The following LARGE1 variants were observed in gnomAD, a reference collection of about 807,000 sequenced individuals.
The protein encoded by LARGE1 is xylosyl- and glucuronyltransferase LARGE1.
A neutral mutation model predicts 87.6 loss-of-function variants in LARGE1; 43 were observed. The ratio of observed to expected loss-of-function variants is 0.49; its 90% confidence interval spans 0.38 to 0.63. The LOEUF is 0.63. LARGE1 is among the 30% of genes least tolerant of loss of function. The pLI is 0.00. For missense variants in LARGE1, 802 were observed against 1,000.2 expected (o/e 0.80, Z 2.67); for synonymous variants, 434 against 394.6 (o/e 1.10, Z -1.18).
chr22:33,208,548 C>A (rs1924798864), intron 11 of LARGE1, among the ~76,000 whole-genome samples: 1 of 151,110 alleles, frequency 6.6e-6, no homozygotes, highest in Non-Finnish European at 1.5e-5. Flanking sequence ...CAAATGGACT[C>A]TTTACTAACC....
the LARGE1 span, among the ~76,000 whole-genome samples, chr22:33,083,110 G>A: frequency 6.6e-6 from 1 of 152,108 alleles, no homozygotes; most frequent in Non-Finnish European, 1.5e-5. Flanking sequence ...AAACACTGTT[G>A]GTTTTATTGC....
chr22:33,823,545 C>A (rs1444230620), intron 1 of LARGE1, among the ~76,000 whole-genome samples: 1 of 152,222 alleles, frequency 6.6e-6, no homozygotes, highest in South Asian at 2.1e-4. Flanking sequence ...TCCAGCCACA[C>A]TTCCAGAACA....
At chr22:33,546,202 G>A (rs1359977883) in intron 6 of LARGE1, among the ~76,000 whole-genome samples, 2 of 152,062 alleles carry the variant, frequency 1.3e-5, no homozygotes, top group Non-Finnish European at 2.9e-5. Context: ...CCTACTTTTC[G>A]ATCTGCCATC....
chr22:33,859,388 G>A (rs1000610623), intron 1 of LARGE1, among the ~76,000 whole-genome samples: 2 of 152,158 alleles, frequency 1.3e-5, no homozygotes, highest in Non-Finnish European at 2.9e-5. Flanking sequence ...GCACCCAACA[G>A]ATACAAACAA....
At chr22:33,545,205 T>C (rs960601539) in intron 6 of LARGE1, among the ~76,000 whole-genome samples, 2 of 152,212 alleles carry the variant, frequency 1.3e-5, no homozygotes, top group East Asian at 1.9e-4. Flanking sequence ...AAGTAGGTCA[T>C]GTACAAATCT....
At chr22:33,497,339 G>A (rs1235211333) in intron 6 of LARGE1, among the ~76,000 whole-genome samples, 1 of 152,082 alleles carries the variant, frequency 6.6e-6, no homozygotes, top group Non-Finnish European at 1.5e-5. Flanking sequence ...GCCTCCCAAA[G>A]TGCTGGGATT....
chr22:33,305,556 G>A, intron 11 of LARGE1: 1 of 983,262 alleles, frequency 1.0e-6, no homozygotes, highest in Non-Finnish European at 1.2e-6. Context: ...GTAATCAGCA[G>A]TCTCCTGGTC....
At chr22:33,821,140 T>G (rs554590742) in intron 1 of LARGE1, among the ~76,000 whole-genome samples, 12 of 152,288 alleles carry the variant, frequency 7.9e-5, no homozygotes, top group African/African-American at 2.9e-4. Context: ...AATCTCTAAT[T>G]GCTTCATGGC....
At chr22:33,667,564 T>C (rs1246752722) in intron 2 of LARGE1, among the ~76,000 whole-genome samples, 1 of 152,156 alleles carries the variant, frequency 6.6e-6, no homozygotes, top group African/African-American at 2.4e-5. Context: ...CAAGAAAAGG[T>C]GCCTAAAAGT....
chr22:33,761,477 C>A lies in LARGE1; in HGVS notation c.-1G>T. 6.2e-7 allele frequency: 1 copy of A among 1,613,126 alleles called. No homozygotes were observed. The highest frequency in any genetic ancestry group is 8.5e-7 in the Non-Finnish European group (1 of 1,179,226). On this transcript the variant is annotated 5_prime_UTR_variant, in exon 2 of 15. Transcript: ENST00000397394. ...GTCTCCCCCTGCAGATTCCCAGCAT[C>A]CTCTCAGAAGTGGCAATCCCTAATC... is the stretch of plus-strand genomic sequence containing the variant.
intron 9 of LARGE1, among the ~76,000 whole-genome samples, chr22:33,372,914 A>G (rs536735022): frequency 9.8e-5 from 15 of 152,334 alleles, no homozygotes; most frequent in African/African-American, 3.6e-4. Context: ...TAATATGAAG[A>G]AAGTTATGGA....
chr22:33,580,874 G>C (rs1313395352), intron 5 of LARGE1, among the ~76,000 whole-genome samples: 1 of 152,150 alleles, frequency 6.6e-6, no homozygotes, highest in Non-Finnish European at 1.5e-5. Context: ...TGGCTGAGTG[G>C]TTAAATCCAA....
intron 9 of LARGE1, among the ~76,000 whole-genome samples, chr22:33,338,862 G>A (rs1318484812): frequency 6.6e-6 from 1 of 152,124 alleles, no homozygotes; most frequent in Non-Finnish European, 1.5e-5. Flanking sequence ...AAGAATAAAT[G>A]AGAGGCCGGG....
chr22:33,503,366 C>T (rs565325108), intron 6 of LARGE1, among the ~76,000 whole-genome samples: 1 of 148,648 alleles, frequency 6.7e-6, no homozygotes, highest in Non-Finnish European at 1.5e-5. Flanking sequence ...AAGCAATTTT[C>T]CTGCCTCAGC....
chr22:33,618,010 C>T (rs2079630787), intron 4 of LARGE1, among the ~76,000 whole-genome samples: 3 of 152,224 alleles, frequency 2.0e-5, no homozygotes, highest in African/African-American at 7.2e-5. Flanking sequence ...TATACAAGGA[C>T]ATTTGAGCTG....
At chr22:33,696,095 C>G (rs1354463509) in intron 2 of LARGE1, among the ~76,000 whole-genome samples, 1 of 152,092 alleles carries the variant, frequency 6.6e-6, no homozygotes, top group African/African-American at 2.4e-5. Context: ...AGTGGCATAC[C>G]ATGATATTAA....
chr22:33,598,047 T>C (rs1285806761), intron 5 of LARGE1, among the ~76,000 whole-genome samples: 1 of 152,074 alleles, frequency 6.6e-6, no homozygotes, highest in Non-Finnish European at 1.5e-5. Flanking sequence ...AATATACTGG[T>C]TCTTCAGGAA....
chr22:33,493,774 T>C (rs1316947003), intron 6 of LARGE1, among the ~76,000 whole-genome samples: 1 of 152,166 alleles, frequency 6.6e-6, no homozygotes, highest in East Asian at 1.9e-4. Flanking sequence ...CAAGATCCTT[T>C]ATTTTAAACA....
Position 33,785,246 on chromosome 22 carries a change from T to TATATAC in LARGE1, c.-82-23689_-82-23688insGTATAT, listed in dbSNP as rs1176986061. ...ATATATGTGTATACATACATATGTG[T>TATATAC]ATATATGCATGTGTATATGTGCATA... On this transcript the variant is annotated intron_variant, in intron 1 of 14. Coordinates refer to ENST00000397394, the MANE Select transcript of LARGE1 (RefSeq NM_133642.5). 6.6e-5 allele frequency among the ~76,000 whole-genome samples: 10 copies of TATATAC among 151,982 alleles called. No homozygotes were observed. In the East Asian group the frequency reaches 1.5e-3, roughly 24 times the overall value.
Sources: gnomAD v4.1 joint callset for allele counts (sites outside exome capture counted in the v4.1 genomes callset) on GRCh38, gnomAD v4.1.1 for gene constraint, MANE v1.5 for transcripts, NCBI Gene and HGNC (gene_info 2026-07-23, HGNC 2026-07-21) for gene names.